The following LY6S variants were observed in gnomAD, a reference collection of about 807,000 sequenced individuals.
LY6S encodes the protein lymphocyte antigen 6 family member S.
chr8:143,058,883 C>T, the LY6S span, among the ~76,000 whole-genome samples: 3 of 151,982 alleles, frequency 2.0e-5, no homozygotes, highest in Non-Finnish European at 2.9e-5. Flanking sequence ...TCTTGTCTTC[C>T]GGTCTCACTT....
the LY6S span, among the ~76,000 whole-genome samples, chr8:143,069,569 C>T: frequency 6.6e-6 from 1 of 152,144 alleles, no homozygotes; most frequent in Non-Finnish European, 1.5e-5. Flanking sequence ...GATGCCAGCC[C>T]GTGCTCCAGG....
the LY6S span, chr8:143,044,590 C>A: frequency 8.5e-7 from 1 of 1,174,496 alleles, no homozygotes; most frequent in Non-Finnish European, 1.1e-6. Flanking sequence ...GTGCTGAGGG[C>A]TTGTAGGGGG....
At chr8:143,041,474 C>A in the LY6S span, among the ~76,000 whole-genome samples, 1 of 152,074 alleles carries the variant, frequency 6.6e-6, no homozygotes, top group Non-Finnish European at 1.5e-5. Flanking sequence ...TTCAAGGTAC[C>A]CAGATTTCAT....
the LY6S span, among the ~76,000 whole-genome samples, chr8:143,062,441 G>A: frequency 2.6e-5 from 4 of 152,232 alleles, no homozygotes; most frequent in Admixed American, 6.5e-5. Flanking sequence ...GCCAAGGCGG[G>A]TGGATCATGA....
the LY6S span, among the ~76,000 whole-genome samples, chr8:143,055,347 T>C: frequency 6.6e-6 from 1 of 152,176 alleles, no homozygotes; most frequent in Non-Finnish European, 1.5e-5. Flanking sequence ...GCCACAGTAA[T>C]GACATTTCAT....
chr8:143,045,785 G>C, the LY6S span, among the ~76,000 whole-genome samples: 1 of 152,150 alleles, frequency 6.6e-6, no homozygotes, highest in Non-Finnish European at 1.5e-5. The surrounding 1 kb of genome is among the most constrained non-coding windows in gnomAD (Gnocchi z 5.3). Context: ...CCAGAACAAG[G>C]GTGGGTTCCT....
chr8:143,054,734 C>T, the LY6S span, among the ~76,000 whole-genome samples: 1,898 of 152,266 alleles, frequency 0.012, 30 homozygotes, highest in East Asian at 0.065. Flanking sequence ...CAACATTGCG[C>T]GAGCCGCCTC....
At chr8:143,061,610 T>C in the LY6S span, among the ~76,000 whole-genome samples, 2 of 152,244 alleles carry the variant, frequency 1.3e-5, no homozygotes, top group Non-Finnish European at 2.9e-5. Context: ...AATGGTGCGA[T>C]CTTGGCTCAC....
At chr8:143,062,199 T>A in the LY6S span, among the ~76,000 whole-genome samples, 1 of 152,286 alleles carries the variant, frequency 6.6e-6, no homozygotes, top group Admixed American at 6.5e-5. Context: ...AAAATATACA[T>A]AAATTTAACA....
chr8:143,059,133 G>A, the LY6S span, among the ~76,000 whole-genome samples: 11 of 152,096 alleles, frequency 7.2e-5, no homozygotes, highest in East Asian at 5.8e-4. Flanking sequence ...GTGGCTTGCC[G>A]CCCACATGCC....
the LY6S span, chr8:143,056,926 T>C: frequency 6.2e-6 from 1 of 160,962 alleles, no homozygotes; most frequent in Non-Finnish European, 1.4e-5. Flanking sequence ...GTATCCAGAA[T>C]AAAATCAGTA....
chr8:143,072,793 C>T, the LY6S span, among the ~76,000 whole-genome samples: 134 of 60,614 alleles, frequency 2.2e-3, no homozygotes, highest in African/African-American at 3.7e-3. Flanking sequence ...TCCCCGGGGT[C>T]CCTGTTTGAG....
At chr8:143,057,614 AGGT>A in the LY6S span, 27 of 1,272,838 alleles carry the variant, frequency 2.1e-5, no homozygotes, top group Admixed American at 4.6e-4. Flanking sequence ...GTCCCCAGTC[AGGT>A]CATCAATGCC....
the LY6S span, among the ~76,000 whole-genome samples, chr8:143,045,225 C>T: frequency 2.7e-3 from 415 of 152,254 alleles, 3 homozygotes; most frequent in African/African-American, 9.0e-3. The surrounding 1 kb of genome is among the most constrained non-coding windows in gnomAD (Gnocchi z 5.3). Context: ...CCAGCACACA[C>T]GGGGCAGCAG....
the LY6S span, among the ~76,000 whole-genome samples, chr8:143,045,833 A>G: frequency 1.4e-3 from 203 of 149,280 alleles, 1 homozygote; most frequent in African/African-American, 4.7e-3. The surrounding 1 kb of genome is among the most constrained non-coding windows in gnomAD (Gnocchi z 5.3). Context: ...CTGGAGCAAT[A>G]GGTGACTCCA....
At chr8:143,072,370 C>T in the LY6S span, among the ~76,000 whole-genome samples, 1 of 138,948 alleles carries the variant, frequency 7.2e-6, no homozygotes, top group African/African-American at 2.8e-5. Context: ...AGGAGACAGC[C>T]GTCGTCCTCG....
At chr8:143,054,926 C>T in the LY6S span, among the ~76,000 whole-genome samples, 12 of 152,150 alleles carry the variant, frequency 7.9e-5, no homozygotes, top group Non-Finnish European at 2.9e-5. Context: ...CCCTGGCTGC[C>T]GTAGTCCTGC....
the LY6S span, among the ~76,000 whole-genome samples, chr8:143,069,092 G>T: frequency 6.6e-6 from 1 of 152,084 alleles, no homozygotes. Flanking sequence ...AGCTGGCCCC[G>T]CTCCCATGGG....
the LY6S span, among the ~76,000 whole-genome samples, chr8:143,055,481 G>A: frequency 3.9e-5 from 6 of 152,248 alleles, no homozygotes; most frequent in African/African-American, 1.4e-4. Flanking sequence ...AGAAAGTTTT[G>A]TAAAGAATGA....
Sources: gnomAD v4.1 joint callset for allele counts (sites outside exome capture counted in the v4.1 genomes callset) on GRCh38, gnomAD v4.1.1 for gene constraint, Gnocchi (gnomAD v3.1) non-coding constraint, MANE v1.5 for transcripts, NCBI Gene and HGNC (gene_info 2026-07-23, HGNC 2026-07-21) for gene names.